The following PCDHGB3 variants were observed in gnomAD, a reference collection of about 807,000 sequenced individuals.
The protein encoded by PCDHGB3 is protocadherin gamma subfamily B, 3.
A neutral mutation model predicts 59.2 loss-of-function variants in PCDHGB3; 40 were observed. That is an observed-to-expected ratio of 0.68 (90% CI 0.52 to 0.88). PCDHGB3 has a LOEUF of 0.88. PCDHGB3 is among the 40% of genes least tolerant of loss of function. The pLI is 0.00. For synonymous variants in PCDHGB3, 581 were observed against 503.6 expected (o/e 1.15, Z -2.06); for missense variants, 1,309 against 1,187.9 (o/e 1.10, Z -1.50).
chr5:141,483,872 T>A (rs1373802168), intron 1 of PCDHGB3, among the ~76,000 whole-genome samples: 1 of 152,080 alleles, frequency 6.6e-6, no homozygotes, highest in African/African-American at 2.4e-5. Context: ...CAGATCAGGA[T>A]GGATTTTTCT....
chr5:141,405,164 T>C, intron 1 of PCDHGB3: 1 of 1,614,076 alleles, frequency 6.2e-7, no homozygotes, highest in East Asian at 2.2e-5. Flanking sequence ...TGTGCCCACC[T>C]CACACTTTGT....
chr5:141,387,491 A>C (rs1049616816), intron 1 of PCDHGB3, among the ~76,000 whole-genome samples: 1 of 152,240 alleles, frequency 6.6e-6, no homozygotes, highest in African/African-American at 2.4e-5. Flanking sequence ...GGCATTCCTA[A>C]GAGTACATTT....
chr5:141,419,507 G>A (rs909984738), intron 1 of PCDHGB3: 2 of 1,612,198 alleles, frequency 1.2e-6, no homozygotes, highest in Non-Finnish European at 1.7e-6. Context: ...GAGCCTGCGC[G>A]TGTTGGTGGG....
chr5:141,486,688 C>G lies in PCDHGB3; in HGVS notation c.2416-8119C>G, dbSNP rs748605515. On this transcript the variant is annotated intron_variant, in intron 1 of 3. Coordinates refer to ENST00000576222, the MANE Select transcript of PCDHGB3 (RefSeq NM_018924.5). This position sits in a 1 kb window ranked among gnomAD's most constrained non-coding sequence, Gnocchi z 5.0. ...CCAGGAATCGAGATGTATCAGCTTCCTCTTTCATCTCTCTGAACCCCCAGA... is the reference window on the plus strand; with the variant it reads ...CCAGGAATCGAGATGTATCAGCTTCGTCTTTCATCTCTCTGAACCCCCAGA... The G allele has an allele frequency of 1.2e-6, 2 of 1,614,170 alleles. No homozygotes were observed. The highest frequency in any genetic ancestry group is 8.5e-7 in the Non-Finnish European group (1 of 1,180,044).
At chr5:141,441,279 C>T (rs3792898) in intron 1 of PCDHGB3, 17,193 of 152,116 alleles carry the variant, frequency 0.11, 1,155 homozygotes, top group African/African-American at 0.18. Context: ...CGGGAGAAAA[C>T]GAGGTCACAT....
At chr5:141,391,203 T>C (rs77020243) in intron 1 of PCDHGB3, 3 of 152,214 alleles carry the variant, frequency 2.0e-5, no homozygotes, top group Non-Finnish European at 4.4e-5. Flanking sequence ...ATATACAAAA[T>C]ACCAAGGAAC....
Position 141,486,572 on chromosome 5 carries a change from A to G in PCDHGB3, c.2416-8235A>G. 1 of 1,613,876 alleles carries G rather than the reference A, an allele frequency of 6.2e-7. No individual in the cohort carries two copies. Among genetic ancestry groups the G allele is most frequent in the Non-Finnish European group, 8.5e-7 (1 of 1,180,002 alleles). ...GTCACATGAGGTGTTTGTTCCTGAG[A>G]ACAATCGCCCAGGGGACCTGCTTTG... is the stretch of plus-strand genomic sequence containing the variant. On this transcript the variant is annotated intron_variant, in intron 1 of 3. Coordinates refer to ENST00000576222, the MANE Select transcript of PCDHGB3 (RefSeq NM_018924.5). This position sits in a 1 kb window ranked among gnomAD's most constrained non-coding sequence, Gnocchi z 5.0.
intron 1 of PCDHGB3, chr5:141,398,933 A>C: frequency 1.2e-6 from 2 of 1,614,010 alleles, no homozygotes; most frequent in Non-Finnish European, 1.7e-6. Context: ...GCCACTGACC[A>C]AGACGAGGGC....
In PCDHGB3 at chr5:141,370,805, C is replaced by A; in HGVS notation, c.411C>A (p.Ile137=). 1.2e-6 allele frequency: 2 copies of A among 1,614,026 alleles called. No homozygotes were observed. Among genetic ancestry groups the A allele is most frequent in the Non-Finnish European group, 1.7e-6 (2 of 1,179,896 alleles). Residue 137 remains isoleucine, a synonymous_variant, in exon 1 of 4, where the codon ATC becomes ATA. Transcript: ENST00000576222. The part of the protein sequence containing the change: ...NDNPPTFSQN[I]TELEISELAL... ...ACCCACCGACCTTTAGCCAAAATAT[C>A]ACTGAGCTGGAAATCAGCGAACTGG...
intron 1 of PCDHGB3, chr5:141,415,069 A>G (rs1323441877): frequency 1.1e-5 from 18 of 1,613,420 alleles, no homozygotes; most frequent in Non-Finnish European, 1.5e-5. Flanking sequence ...CGAGGTGCGC[A>G]CGGCGCGAGC....
At chr5:141,446,508 G>A (rs932199756) in intron 1 of PCDHGB3, among the ~76,000 whole-genome samples, 4 of 151,356 alleles carry the variant, frequency 2.6e-5, no homozygotes, top group Non-Finnish European at 5.9e-5. Flanking sequence ...ATGGAGTCTC[G>A]CTCTGTCACC....
intron 1 of PCDHGB3, among the ~76,000 whole-genome samples, chr5:141,456,862 C>T (rs1385304686): frequency 6.6e-6 from 1 of 152,086 alleles, no homozygotes; most frequent in Non-Finnish European, 1.5e-5. Context: ...AATTGGGAGG[C>T]TGAGGCAGGA....
Position 141,486,058 on chromosome 5 carries a change from G to A in PCDHGB3, c.2416-8749G>A. On this transcript the variant is annotated intron_variant, in intron 1 of 3. Transcript: ENST00000576222. The surrounding 1 kb of genome is among the most constrained non-coding windows in gnomAD (Gnocchi z 5.0). The stretch of plus-strand genomic sequence containing the variant: ...ATCGTGTAAGAAACCTCTTTAGCCT[G>A]CACCCCACTACTGGAAAGCTTACTC... The A allele has an allele frequency of 6.2e-7, 1 of 1,614,122 alleles. No homozygotes were observed. The highest frequency in any genetic ancestry group is 8.5e-7 in the Non-Finnish European group (1 of 1,180,012).
Position 141,372,221 on chromosome 5 carries a change from G to A in PCDHGB3, c.1827G>A (p.Val609=), listed in dbSNP as rs1229058896. ...GYNAWLSYHI[V]QASEPGLFSL... ...ACGCCTGGCTGTCCTACCACATTGT[G>A]CAGGCCAGCGAGCCCGGGCTGTTCA... The change falls in exon 1 of 4, where the codon GTG becomes GTA. Residue 609 remains valine, a synonymous_variant. Transcript: ENST00000576222. 6.2e-7 allele frequency: 1 copy of A among 1,613,398 alleles called. No homozygotes were observed. The highest frequency in any genetic ancestry group is 1.3e-5 in the African/African-American group (1 of 74,930).
chr5:141,419,072 G>C (rs17208397), intron 1 of PCDHGB3: 242,774 of 1,613,756 alleles, frequency 0.15, 19,855 homozygotes, highest in Non-Finnish European at 0.17. Context: ...CTACAAGCTA[G>C]TAACAGATGA....
intron 1 of PCDHGB3, chr5:141,430,690 G>A: frequency 1.4e-6 from 2 of 1,410,426 alleles, no homozygotes; most frequent in Non-Finnish European, 1.9e-6. Flanking sequence ...CCCATTCTAT[G>A]GGCGAAGGAA....
chr5:141,499,322 T>C (rs1186220818), intron 2 of PCDHGB3, among the ~76,000 whole-genome samples: 1 of 152,218 alleles, frequency 6.6e-6, no homozygotes, highest in Non-Finnish European at 1.5e-5. Context: ...ACAGTATCCC[T>C]GCTCTCTCTC....
chr5:141,494,431 T>C (rs1403792155), intron 1 of PCDHGB3, among the ~76,000 whole-genome samples: 1 of 152,158 alleles, frequency 6.6e-6, no homozygotes, highest in Non-Finnish European at 1.5e-5. Context: ...TTGAAAAGCC[T>C]CCTTTGCCAC....
intron 1 of PCDHGB3, among the ~76,000 whole-genome samples, chr5:141,482,326 G>T (rs982211258): frequency 6.6e-6 from 1 of 152,072 alleles, no homozygotes. Context: ...AAAATAAAGA[G>T]AATATCTACT....
Sources: gnomAD v4.1 joint callset for allele counts (sites outside exome capture counted in the v4.1 genomes callset) on GRCh38, gnomAD v4.1.1 for gene constraint, Gnocchi (gnomAD v3.1) non-coding constraint, MANE v1.5 for transcripts, NCBI Gene and HGNC (gene_info 2026-07-23, HGNC 2026-07-21) for gene names.